PAXBP1: variants seen among roughly 807,000 people sequenced by gnomAD.
The protein encoded by PAXBP1 is PAX3 and PAX7 binding protein 1, also known as PAX3- and PAX7-binding protein 1.
Under a neutral mutation model 119.9 loss-of-function variants are expected in PAXBP1, and 44 were observed. That is an observed-to-expected ratio of 0.37 (90% CI 0.29 to 0.47). The LOEUF (loss-of-function observed/expected upper bound fraction) is 0.47, where lower values mean the gene tolerates loss of function less well. Among genes scored for constraint, PAXBP1 ranks in the 20% least tolerant of loss-of-function variants. The pLI, the probability that PAXBP1 is intolerant of heterozygous loss-of-function variation, is 0.99. For synonymous variants in PAXBP1, 393 were observed against 406.6 expected (o/e 0.97, Z 0.40); for missense variants, 898 against 1,134.1 (o/e 0.79, Z 2.99).
chr21:32,742,877 G>T, intron 15 of PAXBP1: 1 of 371,120 alleles, frequency 2.7e-6, no homozygotes, highest in Non-Finnish European at 5.3e-6. Flanking sequence ...GTATGTAGAG[G>T]AAAAAACAGT....
intron 11 of PAXBP1, among the ~76,000 whole-genome samples, chr21:32,746,300 C>A (rs2043870914): frequency 6.6e-6 from 1 of 152,074 alleles, no homozygotes; most frequent in Admixed American, 6.5e-5. Flanking sequence ...TTCTACGCAG[C>A]AAAAGAAACT....
chr21:32,771,314 C>T lies in PAXBP1; in HGVS notation c.343+12G>A. ...TGCGGCCGTCTAAGGGCGTCCGAAG[C>T]GCGCACTTTACCTTCCTCCTCGTCC... On this transcript the variant is annotated intron_variant, in intron 1 of 17. Coordinates refer to ENST00000331923, the MANE Select transcript of PAXBP1 (RefSeq NM_016631.4). The T allele has an allele frequency of 6.4e-7, 1 of 1,572,834 alleles. No individual in the cohort carries two copies. The highest frequency in any genetic ancestry group is 1.4e-5 in the African/African-American group (1 of 72,162).
Position 32,762,049 on chromosome 21 carries a change from A to G in PAXBP1, c.871+47T>C, listed in dbSNP as rs751517882. On this transcript the variant is annotated intron_variant, in intron 4 of 17. Transcript: ENST00000331923. ...AATGACACCCTGCCTTAAAACAAAC[A>G]AAAAAAGGCAATGCAATAGGCTTAC... 10 of 1,595,476 alleles carry G rather than the reference A, an allele frequency of 6.3e-6. No individual in the cohort carries two copies. In the Admixed American group the frequency reaches 1.7e-4, roughly 27 times the overall value.
intron 2 of PAXBP1, among the ~76,000 whole-genome samples, chr21:32,768,364 C>T (rs2044277560): frequency 6.6e-6 from 1 of 152,194 alleles, no homozygotes. Flanking sequence ...GTTACAGGAG[C>T]AGAAAATGGA....
intron 5 of PAXBP1, 122 bp downstream of exon 5, chr21:32,760,934 TCTC>T (rs1168872151): frequency 3.7e-5 from 25 of 667,576 alleles, no homozygotes; most frequent in Non-Finnish European, 4.9e-5. Flanking sequence ...TGTGTGTGTG[TCTC>T]CTCATGGGAT....
At chr21:32,739,858 A>G (rs1318857511) in intron 15 of PAXBP1, among the ~76,000 whole-genome samples, 3 of 142,466 alleles carry the variant, frequency 2.1e-5, no homozygotes, top group Non-Finnish European at 3.0e-5. Flanking sequence ...TAATCCCAGT[A>G]CTTTGGGAGG....
Position 32,769,875 on chromosome 21 carries a change from C to T in PAXBP1, c.411G>A (p.Lys137=), listed in dbSNP as rs1490141230. The change falls in exon 2 of 18, where the codon AAG becomes AAA. Residue 137 remains lysine, a synonymous_variant. Transcript: ENST00000331923. ...ATTTTTCAAGATCTTCTTTATATTC[C>T]TTCTTGAGCAATTTTACTATCTTTT... ...YSKKIVKLLK[K]EYKEDLEKSK... The T allele has an allele frequency of 1.9e-6, 3 of 1,591,022 alleles. No homozygotes were observed. Among genetic ancestry groups the T allele is most frequent in the Non-Finnish European group, 2.6e-6 (3 of 1,169,686 alleles).
rs1390834047 is a variant in PAXBP1, at chr21:32,748,610, T to A, written c.1812A>T (p.Ala604=). 1.2e-6 allele frequency: 2 copies of A among 1,614,060 alleles called. No homozygotes were observed. The highest frequency in any genetic ancestry group is 3.3e-5 in the Admixed American group (2 of 60,022). ...AGGATGTGTAGTATTTTGAACGCCA[T>A]GCTTCAAACTGTGATTTAATACAGT... ...SIDCIKSQFE[A]WRSKYYTSYK... The change falls in exon 11 of 18, where the codon GCA becomes GCT. Residue 604 remains alanine (A), a synonymous_variant. Transcript: ENST00000331923.
At chr21:32,760,898 C>CGT (rs759882630) in intron 5 of PAXBP1, among the ~76,000 whole-genome samples, 161 bp downstream of exon 5, 8,062 of 121,494 alleles carry the variant, frequency 0.066, 312 homozygotes, top group African/African-American at 0.12. Flanking sequence ...TGTGTGCGTG[C>CGT]GTGCGTGTGT....
Position 32,769,874 on chromosome 21 carries a change from C to T in PAXBP1, c.412G>A (p.Glu138Lys). 1.3e-6 allele frequency: 2 copies of T among 1,593,626 alleles called. No individual in the cohort carries two copies. Among genetic ancestry groups the T allele is most frequent in the Non-Finnish European group, 1.7e-6 (2 of 1,170,688 alleles). ...GATTTTTCAAGATCTTCTTTATATT[C>T]CTTCTTGAGCAATTTTACTATCTTT... ...SKKIVKLLKK[E>K]YKEDLEKSKI... The change falls in exon 2 of 18, where the codon GAA (glutamate) becomes AAA (lysine). Residue 138 changes from glutamate to lysine, a missense_variant. By Grantham distance (56) the Glu-to-Lys change is moderately conservative. Around this residue, in one of 2 missense-constraint regions of PAXBP1, gnomAD observed 299 missense variants for 281.4 expected, o/e 1.06. Coordinates refer to ENST00000331923, the MANE Select transcript of PAXBP1 (RefSeq NM_016631.4).
chr21:32,747,199 G>C (rs886985935), intron 11 of PAXBP1, among the ~76,000 whole-genome samples: 4 of 152,090 alleles, frequency 2.6e-5, no homozygotes, highest in African/African-American at 9.7e-5. Flanking sequence ...GTTTACCTAT[G>C]TAACAAATCT....
At chr21:32,758,508 C>A (rs1406106914) in intron 7 of PAXBP1, among the ~76,000 whole-genome samples, 1 of 150,990 alleles carries the variant, frequency 6.6e-6, no homozygotes, top group African/African-American at 2.4e-5. Context: ...AACTGACTAT[C>A]CTATTGAAAA....
At chr21:32,765,985 A>T (rs2044235552) in intron 2 of PAXBP1, among the ~76,000 whole-genome samples, 2 of 152,300 alleles carry the variant, frequency 1.3e-5, no homozygotes, top group South Asian at 2.1e-4. Context: ...ACATACAAAA[A>T]TTAGCTGGGC....
intron 11 of PAXBP1, among the ~76,000 whole-genome samples, chr21:32,746,295 C>T (rs1306748721): frequency 2.6e-5 from 4 of 152,098 alleles, no homozygotes; most frequent in Non-Finnish European, 4.4e-5. Context: ...AGAGCTTCTA[C>T]GCAGCAAAAG....
At position 32,761,100 on chromosome 21, in the gene PAXBP1, A is replaced by C; in HGVS notation, c.934T>G (p.Trp312Gly). 6.2e-7 allele frequency: 1 copy of C among 1,614,006 alleles called. No homozygotes were observed. Among genetic ancestry groups the C allele is most frequent in the Non-Finnish European group, 8.5e-7 (1 of 1,180,004 alleles). ...CCTTTCCTTATCTGCTCCTGTTCCC[A>C]TCGGCTGAGCTCTTCATCCTGTTCT... ...TGEQDEELSRWEQEQIRKGIN... is the reference protein window; with the variant it reads ...TGEQDEELSRGEQEQIRKGIN... Residue 312 changes from tryptophan (W) to glycine (G), a missense_variant, in exon 5 of 18, where the codon TGG (tryptophan) becomes GGG (glycine). Physicochemically the swap from Trp to Gly is radical, Grantham distance 184. Transcript: ENST00000331923.
rs1349184016 is a variant in PAXBP1 at position 32,771,314 on chromosome 21, C to A, written c.343+12G>T. ...TGCGGCCGTCTAAGGGCGTCCGAAGCGCGCACTTTACCTTCCTCCTCGTCC... is the reference window on the plus strand; with the variant it reads ...TGCGGCCGTCTAAGGGCGTCCGAAGAGCGCACTTTACCTTCCTCCTCGTCC... On this transcript the variant is annotated intron_variant, in intron 1 of 17. Transcript: ENST00000331923. 4 of 1,572,720 alleles carry A rather than the reference C, an allele frequency of 2.5e-6. No homozygotes were observed. The highest frequency in any genetic ancestry group is 1.1e-5 in the South Asian group (1 of 89,840).
At chr21:32,747,260 C>A (rs2043888188) in intron 11 of PAXBP1, among the ~76,000 whole-genome samples, 1 of 152,056 alleles carries the variant, frequency 6.6e-6, no homozygotes, top group Non-Finnish European at 1.5e-5. Context: ...AAGAACTGGA[C>A]AAAATACAAT....
chr21:32,751,411 A>C, intron 8 of PAXBP1, 193 bp from the exon 9 acceptor site: 1 of 498,546 alleles, frequency 2.0e-6, no homozygotes. Context: ...TTTAAAAAGT[A>C]GAAAAATTAA....
intron 15 of PAXBP1, chr21:32,743,016 A>G (rs893397787): frequency 1.6e-5 from 10 of 625,804 alleles, no homozygotes; most frequent in Non-Finnish European, 2.7e-5. Context: ...TTAGTCAGGC[A>G]TTTCGTTGAG....
Sources: allele counts gnomAD v4.1 joint callset (sites outside exome capture counted in the v4.1 genomes callset), GRCh38; gene constraint gnomAD v4.1.1; regional missense constraint gnomAD v4.1.1; transcripts MANE v1.5; gene names NCBI Gene and HGNC (gene_info 2026-07-23, HGNC 2026-07-21).